CSMD1: variants seen among roughly 807,000 people sequenced by gnomAD.
The protein encoded by CSMD1 is CUB and sushi domain-containing protein 1.
CSMD1 carries 213 observed loss-of-function variants against 417.5 expected under a neutral mutation model. The ratio of observed to expected loss-of-function variants is 0.51; its 90% confidence interval spans 0.46 to 0.57. The LOEUF (loss-of-function observed/expected upper bound fraction) is 0.57, where lower values mean the gene tolerates loss of function less well. CSMD1 is among the 20% of genes least tolerant of loss of function. CSMD1 has a pLI of 0.00. For synonymous variants in CSMD1, 2,862 were observed against 1,736.8 expected (o/e 1.65, Z -16.11); for missense variants, 6,923 against 4,529.7 (o/e 1.53, Z -15.17).
chr8:3,446,205 A>G (rs1815297243), intron 12 of CSMD1, among the ~76,000 whole-genome samples: 1 of 152,220 alleles, frequency 6.6e-6, no homozygotes, highest in Non-Finnish European at 1.5e-5. Context: ...AAAATCGTGA[A>G]TGCACTTTCT....
At chr8:4,090,187 T>C (rs977012508) in intron 3 of CSMD1, among the ~76,000 whole-genome samples, 3 of 152,226 alleles carry the variant, frequency 2.0e-5, no homozygotes, top group African/African-American at 7.2e-5. Flanking sequence ...CCTCCACTTT[T>C]GACTACAGTA....
At chr8:3,364,142 T>G (rs940564885) in intron 20 of CSMD1, among the ~76,000 whole-genome samples, 22 of 151,506 alleles carry the variant, frequency 1.5e-4, no homozygotes, top group Non-Finnish European at 2.7e-4. Context: ...ATAAAGTTGC[T>G]AGTTATTTGT....
intron 11 of CSMD1, among the ~76,000 whole-genome samples, chr8:3,488,542 T>C (rs1316996889): frequency 6.6e-6 from 1 of 152,196 alleles, no homozygotes; most frequent in Admixed American, 6.5e-5. Context: ...CTATTAATAA[T>C]GTAGATTCAT....
At chr8:4,587,198 A>T (rs1238419195) in intron 2 of CSMD1, among the ~76,000 whole-genome samples, 3 of 152,106 alleles carry the variant, frequency 2.0e-5, no homozygotes, top group Non-Finnish European at 4.4e-5. Context: ...AAGGGTATGT[A>T]ATTCCTTCAG....
intron 1 of CSMD1, among the ~76,000 whole-genome samples, chr8:4,868,447 G>A (rs573874859): frequency 1.3e-5 from 2 of 152,020 alleles, no homozygotes; most frequent in South Asian, 2.1e-4. Context: ...CATTGATCAG[G>A]CTGGTCTCAA....
intron 49 of CSMD1, among the ~76,000 whole-genome samples, chr8:3,071,861 T>TCTATCACAGAACACTGCAC (rs1253485512): frequency 2.0e-5 from 3 of 152,186 alleles, no homozygotes; most frequent in African/African-American, 7.2e-5. Context: ...GAAGGCAGCA[T>TCTATCACAGAACACTGCAC]CTATCACAGA....
chr8:4,254,726 T>A (rs1352555097), intron 3 of CSMD1, among the ~76,000 whole-genome samples: 1 of 152,152 alleles, frequency 6.6e-6, no homozygotes, highest in East Asian at 1.9e-4. Context: ...GGTATGGTTA[T>A]GTATCTTCAG....
At chr8:4,191,045 C>T (rs759038931) in intron 3 of CSMD1, among the ~76,000 whole-genome samples, 3 of 152,040 alleles carry the variant, frequency 2.0e-5, no homozygotes, top group East Asian at 1.9e-4. Flanking sequence ...ACCCCCATGA[C>T]ACCAGTTTAC....
In CSMD1 at chr8:4,044,708, G is replaced by A. The variant is rs1174166833; in HGVS notation, c.416-12609C>T. On this transcript the variant is annotated intron_variant, in intron 3 of 69. Coordinates refer to ENST00000635120, the MANE Select transcript of CSMD1 (RefSeq NM_033225.6). ...TACAATCCTGGCTGCGTACAACCCT[G>A]GATGCATAGCACCCTGGACACGTAC... is the stretch of plus-strand genomic sequence containing the variant. Among the ~76,000 whole-genome samples the A allele has an allele frequency of 2.6e-5, 4 of 152,152 alleles. No homozygotes were observed. In the East Asian group the frequency reaches 5.8e-4, roughly 22 times the overall value.
At chr8:3,466,620 G>A (rs372490064) in intron 12 of CSMD1, among the ~76,000 whole-genome samples, 1 of 148,260 alleles carries the variant, frequency 6.7e-6, no homozygotes, top group Non-Finnish European at 1.5e-5. Flanking sequence ...GAGAGATAGG[G>A]GTTTCACCAT....
At chr8:3,537,793 T>C (rs1798266458) in intron 10 of CSMD1, among the ~76,000 whole-genome samples, 1 of 152,226 alleles carries the variant, frequency 6.6e-6, no homozygotes, top group South Asian at 2.1e-4. Context: ...TTAAAGAGTC[T>C]CATCCATAGC....
At chr8:3,044,883 A>G (rs1442784221) in intron 50 of CSMD1, among the ~76,000 whole-genome samples, 1 of 152,250 alleles carries the variant, frequency 6.6e-6, no homozygotes, top group African/African-American at 2.4e-5. Flanking sequence ...TCATACCATC[A>G]TATCATACAA....
intron 5 of CSMD1, among the ~76,000 whole-genome samples, chr8:3,765,733 C>G (rs1043440351): frequency 6.6e-6 from 1 of 152,158 alleles, no homozygotes; most frequent in African/African-American, 2.4e-5. Flanking sequence ...CAGGTGGGGG[C>G]GCCCAGGGGG....
intron 3 of CSMD1, among the ~76,000 whole-genome samples, chr8:4,075,513 G>T (rs1010129630): frequency 2.6e-5 from 4 of 152,144 alleles, no homozygotes; most frequent in African/African-American, 9.7e-5. Context: ...CGTGGGAATT[G>T]ATAACTAAAA....
intron 18 of CSMD1, among the ~76,000 whole-genome samples, chr8:3,377,680 G>C (rs2116754334): frequency 6.6e-6 from 1 of 152,152 alleles, no homozygotes; most frequent in East Asian, 1.9e-4. Flanking sequence ...ATCAACTCCT[G>C]GTAATTCTGC....
intron 5 of CSMD1, among the ~76,000 whole-genome samples, chr8:3,915,280 C>T (rs997606041): frequency 1.7e-4 from 26 of 151,806 alleles, no homozygotes; most frequent in African/African-American, 6.0e-4. Flanking sequence ...GTAGTGTGTG[C>T]CTGTAGTCTC....
At chr8:3,612,439 A>G (rs1447864380) in intron 8 of CSMD1, among the ~76,000 whole-genome samples, 2 of 152,100 alleles carry the variant, frequency 1.3e-5, no homozygotes, top group East Asian at 3.8e-4. Context: ...CTTGAACAAC[A>G]CTGTCAACCA....
At chr8:3,143,527 G>A (rs1818640962) in intron 40 of CSMD1, among the ~76,000 whole-genome samples, 1 of 152,038 alleles carries the variant, frequency 6.6e-6, no homozygotes, top group Non-Finnish European at 1.5e-5. Context: ...TTTGCATTGT[G>A]GCATTTTTTT....
At chr8:3,844,406 CA>C (rs1313829832) in intron 5 of CSMD1, among the ~76,000 whole-genome samples, 2 of 152,126 alleles carry the variant, frequency 1.3e-5, no homozygotes, top group Non-Finnish European at 2.9e-5. Context: ...AAATTATTGA[CA>C]AAGAATAATT....
Sources: gnomAD v4.1 joint callset for allele counts (sites outside exome capture counted in the v4.1 genomes callset) on GRCh38, gnomAD v4.1.1 for gene constraint, MANE v1.5 for transcripts, NCBI Gene and HGNC (gene_info 2026-07-23, HGNC 2026-07-21) for gene names.